The following PIK3R6 variants were observed in gnomAD, a reference collection of about 807,000 sequenced individuals.
PIK3R6 encodes phosphoinositide 3-kinase regulatory subunit 6.
A neutral mutation model predicts 84.9 loss-of-function variants in PIK3R6; 91 were observed. That is an observed-to-expected ratio of 1.07 (90% CI 0.90 to 1.28). The LOEUF (loss-of-function observed/expected upper bound fraction) is 1.28, where lower values mean the gene tolerates loss of function less well. Ranked by LOEUF, PIK3R6 falls within the 50% of genes most tolerant of loss-of-function variation. PIK3R6 has a pLI of 0.00. For missense variants in PIK3R6, 996 were observed against 985.1 expected, an observed-to-expected ratio of 1.01 and a Z score of -0.15; for synonymous variants, 416 against 411.4, an observed-to-expected ratio of 1.01 and a Z score of -0.13.
rs1397923266 is a variant in PIK3R6 at position 8,803,387 on chromosome 17, C to T, written c.2151G>A (p.Gln717=). 1 of 1,613,346 alleles carries T rather than the reference C, an allele frequency of 6.2e-7. No individual in the cohort carries two copies. The highest frequency in any genetic ancestry group is 2.2e-5 in the East Asian group (1 of 44,880). ...APCPEPCSGA[Q]KSKAPWLNLH... ...AATTGAGCCACGGTGCCTTGGACTTCTGGGCCCCAGAACATGGTTCTGGGC... is the reference window on the plus strand; with the variant it reads ...AATTGAGCCACGGTGCCTTGGACTTTTGGGCCCCAGAACATGGTTCTGGGC... Residue 717 remains glutamine, a synonymous_variant, in exon 20 of 20, where the codon CAG becomes CAA. Coordinates refer to ENST00000619866, the MANE Select transcript of PIK3R6 (RefSeq NM_001010855.4). This position sits in a 1 kb window ranked among gnomAD's most constrained non-coding sequence, Gnocchi z 5.0.
intron 4 of PIK3R6, 65 bp from the exon 5 acceptor site, chr17:8,837,936 C>T: frequency 6.9e-7 from 1 of 1,442,948 alleles, no homozygotes; most frequent in Non-Finnish European, 9.7e-7. Context: ...TAGCGGGAGG[C>T]AGTCTAGGCT....
intron 1 of PIK3R6, among the ~76,000 whole-genome samples, chr17:8,865,330 A>G (rs1316505374): frequency 2.0e-5 from 3 of 152,162 alleles, no homozygotes; most frequent in Non-Finnish European, 4.4e-5. Flanking sequence ...AGGCCTCCCT[A>G]TACCTGCAGG....
chr17:8,814,842 G>T (rs1046016690), intron 18 of PIK3R6, among the ~76,000 whole-genome samples: 2 of 151,896 alleles, frequency 1.3e-5, no homozygotes, highest in Non-Finnish European at 2.9e-5. Context: ...AATGATGAAT[G>T]AAAAAAGATC....
chr17:8,858,501 G>C (rs1048154075), intron 1 of PIK3R6, among the ~76,000 whole-genome samples: 14 of 151,882 alleles, frequency 9.2e-5, no homozygotes, highest in Admixed American at 9.2e-4. Flanking sequence ...ATTTTTAGTA[G>C]AGACAGGGTT....
At chr17:8,853,484 C>CA (rs56939877) in intron 1 of PIK3R6, among the ~76,000 whole-genome samples, 3,532 of 104,232 alleles carry the variant, frequency 0.034, 73 homozygotes, top group African/African-American at 0.05. Flanking sequence ...GACTCCATCT[C>CA]AAAAAAAAAA....
intron 7 of PIK3R6, among the ~76,000 whole-genome samples, 173 bp downstream of exon 7, chr17:8,836,374 G>A (rs565011200): frequency 2.5e-4 from 38 of 152,256 alleles, no homozygotes; most frequent in South Asian, 1.5e-3. Flanking sequence ...ACAATATGGC[G>A]CCAACCTTGA....
At chr17:8,865,040 A>T (rs1425360861) in intron 1 of PIK3R6, among the ~76,000 whole-genome samples, 1 of 152,168 alleles carries the variant, frequency 6.6e-6, no homozygotes, top group Admixed American at 6.5e-5. Flanking sequence ...CCTTCTATGG[A>T]CACGGCAAAA....
chr17:8,827,517 G>A (rs997235003), intron 12 of PIK3R6, among the ~76,000 whole-genome samples: 4 of 152,130 alleles, frequency 2.6e-5, no homozygotes, highest in African/African-American at 7.2e-5. Context: ...AATGATCACC[G>A]ACTTTAAAAG....
intron 2 of PIK3R6, among the ~76,000 whole-genome samples, chr17:8,843,310 T>C (rs765308312): frequency 6.7e-6 from 1 of 149,206 alleles, no homozygotes; most frequent in Non-Finnish European, 1.5e-5. Flanking sequence ...TTCCTTCCTT[T>C]CTTTTTTCCT....
intron 5 of PIK3R6, 100 bp from the exon 6 acceptor site, chr17:8,837,023 TG>T: frequency 1.1e-6 from 1 of 896,954 alleles, no homozygotes; most frequent in Non-Finnish European, 1.7e-6. Context: ...GGGAGGGGCT[TG>T]GGAGAAGAGG....
At position 8,853,741 on chromosome 17, in the gene PIK3R6, G is replaced by A. The variant is rs376937683; in HGVS notation, c.-91-3856C>T. 3.3e-5 allele frequency among the ~76,000 whole-genome samples: 5 copies of A among 151,404 alleles called. No homozygotes were observed. In the East Asian group the frequency reaches 9.8e-4, roughly 30 times the overall value. ...CACTTTGGGAGGCCAAGGGGGGCAG[G>A]TCACGAGGCCAGGAGATCAAGACCA... On this transcript the variant is annotated intron_variant, in intron 1 of 19. Coordinates refer to ENST00000619866, the MANE Select transcript of PIK3R6 (RefSeq NM_001010855.4).
rs373272254 is a variant in PIK3R6, at chr17:8,853,377, C to T, written c.-91-3492G>A. 3.1e-4 allele frequency among the ~76,000 whole-genome samples: 46 copies of T among 148,894 alleles called. 1 individual carries two copies. The South Asian group carries it at 8.7e-3, about 28-fold the overall frequency. On this transcript the variant is annotated intron_variant, in intron 1 of 19. Coordinates refer to ENST00000619866, the MANE Select transcript of PIK3R6 (RefSeq NM_001010855.4). Reference sequence around the variant, plus strand: ...GCGGGTGCCTGTAGTCCCAGCTACTCGGGAGGCTGAGGCAGGAGAATGGTG... The same window carrying T: ...GCGGGTGCCTGTAGTCCCAGCTACTTGGGAGGCTGAGGCAGGAGAATGGTG...
chr17:8,842,538 G>T lies in PIK3R6; in HGVS notation c.14-2841C>A, dbSNP rs1018278104. ...TTTCCCCAAATAAATCCTTGAACTT[G>T]GTGTCTGCTTCTTGGCAGATCCAGA... On this transcript the variant is annotated intron_variant, in intron 2 of 19. Coordinates refer to ENST00000619866, the MANE Select transcript of PIK3R6 (RefSeq NM_001010855.4). The surrounding 1 kb of genome is among the most constrained non-coding windows in gnomAD (Gnocchi z 4.5). Among the ~76,000 whole-genome samples the T allele has an allele frequency of 4.6e-5, 7 of 152,038 alleles. No homozygotes were observed. The highest frequency in any genetic ancestry group is 4.6e-4 in the Admixed American group (7 of 15,258).
intron 11 of PIK3R6, 79 bp downstream of exon 11, chr17:8,828,488 T>C: frequency 1.3e-6 from 2 of 1,523,030 alleles, no homozygotes; most frequent in South Asian, 2.4e-5. Flanking sequence ...TGCCACCCTG[T>C]GATCCTTCAC....
intron 1 of PIK3R6, among the ~76,000 whole-genome samples, chr17:8,864,580 C>T (rs996208806): frequency 7.2e-6 from 1 of 138,132 alleles, no homozygotes; most frequent in Non-Finnish European, 1.5e-5. Context: ...ACTCTGTCGC[C>T]AGACTGGAGT....
At chr17:8,804,603 A>T (rs867917908) in intron 18 of PIK3R6, among the ~76,000 whole-genome samples, 1 of 152,312 alleles carries the variant, frequency 6.6e-6, no homozygotes, top group Middle Eastern at 3.4e-3. Context: ...GCAGACACAG[A>T]GGGTCTAGAA....
At chr17:8,821,804 ATCTCT>A (rs1246696889) in intron 17 of PIK3R6, 37 bp downstream of exon 17, 1 of 1,537,692 alleles carries the variant, frequency 6.5e-7, no homozygotes, top group South Asian at 1.2e-5. Flanking sequence ...TGCCCTTCTC[ATCTCT>A]TCTCTCTTTC....
At chr17:8,853,842 A>T (rs554031092) in intron 1 of PIK3R6, among the ~76,000 whole-genome samples, 1 of 152,072 alleles carries the variant, frequency 6.6e-6, no homozygotes, top group South Asian at 2.1e-4. Context: ...ATGCGCCTGT[A>T]GTCCCAGCTA....
intron 13 of PIK3R6, among the ~76,000 whole-genome samples, chr17:8,826,394 TAGAC>T (rs1248698634): frequency 2.0e-5 from 3 of 152,152 alleles, no homozygotes; most frequent in Admixed American, 6.6e-5. Context: ...CCATCAATGA[TAGAC>T]AGGACAAAGA....
Sources: gnomAD v4.1 joint callset for allele counts (sites outside exome capture counted in the v4.1 genomes callset) on GRCh38, gnomAD v4.1.1 for gene constraint, Gnocchi (gnomAD v3.1) non-coding constraint, MANE v1.5 for transcripts, NCBI Gene and HGNC (gene_info 2026-07-23, HGNC 2026-07-21) for gene names.